The following DNAH1 variants were observed in gnomAD, a reference collection of about 807,000 sequenced individuals.
The protein encoded by DNAH1 is axonemal beta dynein heavy chain 1.
DNAH1 carries 327 observed loss-of-function variants against 484.3 expected under a neutral mutation model. That is an observed-to-expected ratio of 0.68 (90% CI 0.62 to 0.74). DNAH1 has a LOEUF of 0.74. Ranked by LOEUF, DNAH1 falls within the 30% of genes least tolerant of loss-of-function variation. DNAH1 has a pLI of 0.00. For synonymous variants in DNAH1, 2,192 were observed against 2,191.9 expected, an observed-to-expected ratio of 1.00 and a Z score of 0.00; for missense variants, 5,052 against 5,546.8, an observed-to-expected ratio of 0.91 and a Z score of 2.83.
intron 48 of DNAH1, 54 bp downstream of exon 48, chr3:52,380,189 T>C (rs1703783327): frequency 6.8e-6 from 10 of 1,479,948 alleles, no homozygotes; most frequent in Non-Finnish European, 9.2e-6. Context: ...TCAATCTGCC[T>C]CCCTGGGGCC....
intron 8 of DNAH1, among the ~76,000 whole-genome samples, chr3:52,335,572 G>C (rs1428354659): frequency 1.3e-5 from 2 of 152,090 alleles, no homozygotes; most frequent in African/African-American, 2.4e-5. Context: ...GCCTCCCAAA[G>C]TGCTGGGATT....
rs778190768 is a variant in DNAH1, at chr3:52,388,211, C to T, written c.9048C>T (p.Ile3016=). 6.2e-6 allele frequency: 10 copies of T among 1,609,576 alleles called. No homozygotes were observed. The highest frequency in any genetic ancestry group is 2.2e-5 in the East Asian group (1 of 44,724). Residue 3016 remains isoleucine (I), a synonymous_variant, in exon 57 of 78, where the codon ATC becomes ATT. Coordinates refer to ENST00000420323, the MANE Select transcript of DNAH1 (RefSeq NM_015512.5). The part of the protein sequence containing the change: ...DVVIKAIQPY[I]DNEEFQPATI... ...TGATCAAAGCCATCCAGCCGTACAT[C>T]GATAATGAAGAGTTCCAGCCAGCCA...
rs868084087 is a variant in DNAH1, at chr3:52,392,628, T to A, written c.10217T>A (p.Val3406Glu). The change falls in exon 64 of 78, where the codon GTA (valine) becomes GAA (glutamate). Residue 3406 changes from valine to glutamate, a missense_variant. This residue lies in a region of DNAH1 where 2,929 missense variants were observed against 3,409.4 expected (regional missense o/e 0.86). Transcript: ENST00000420323. ...YRLSSSEGNP[V>E]DDMELIKVLE... ...CTCAGCTCCTCCGAGGGCAACCCTG[T>A]AGATGACATGGAACTCATCAAGGTG... 1 of 1,613,118 alleles carries A rather than the reference T, an allele frequency of 6.2e-7. No individual in the cohort carries two copies. The highest frequency in any genetic ancestry group is 1.7e-4 in the Middle Eastern group (1 of 6,060).
chr3:52,332,324 A>G lies in DNAH1; in HGVS notation c.1216A>G (p.Ile406Val). 4 of 1,614,086 alleles carry G rather than the reference A, an allele frequency of 2.5e-6. No individual in the cohort carries two copies. Among genetic ancestry groups the G allele is most frequent in the East Asian group, 2.2e-5 (1 of 44,886 alleles). ...DCMPSDGQHV[I>V]SEQSLSKIKQ... ...CATGCCCTCTGACGGCCAGCATGTC[A>G]TCAGTGAACAGAGCCTGAGCAAGAT... is the stretch of plus-strand genomic sequence containing the variant. The change falls in exon 8 of 78, where the codon ATC becomes GTC. Residue 406 changes from isoleucine to valine, a missense_variant. Transcript: ENST00000420323.
chr3:52,335,324 G>A (rs868786015), intron 8 of DNAH1, among the ~76,000 whole-genome samples: 2 of 140,984 alleles, frequency 1.4e-5, no homozygotes, highest in African/African-American at 5.4e-5. Flanking sequence ...CAAAGTGCTG[G>A]GATTACAGGC....
intron 2 of DNAH1, 94 bp downstream of exon 2, chr3:52,322,869 C>G: frequency 8.9e-7 from 1 of 1,119,064 alleles, no homozygotes; most frequent in South Asian, 1.3e-5. Flanking sequence ...GTCAGTCCAT[C>G]TGTTCATTTA....
intron 65 of DNAH1, 104 bp downstream of exon 65, chr3:52,393,129 C>T (rs1359096404): frequency 2.7e-6 from 4 of 1,463,356 alleles, no homozygotes; most frequent in South Asian, 1.2e-5. Flanking sequence ...CACTGGCGTA[C>T]ACTCTCCTCT....
chr3:52,351,984 T>C lies in DNAH1; in HGVS notation c.2752T>C (p.Ser918Pro). ...CAGATGGATTGCCAGCAACTGGCCT[T>C]CTAAGATCCTTGGGCAGATAGAGCT... The part of the protein sequence containing the change: ...NDKWIASNWP[S>P]KILGQIELVQ... Residue 918 changes from serine to proline, a missense_variant, in exon 17 of 78, where the codon TCT becomes CCT. Ser to Pro is a moderately conservative substitution (Grantham distance 74). Coordinates refer to ENST00000420323, the MANE Select transcript of DNAH1 (RefSeq NM_015512.5). The C allele has an allele frequency of 3.1e-6, 5 of 1,602,544 alleles. No individual in the cohort carries two copies. The highest frequency in any genetic ancestry group is 4.3e-6 in the Non-Finnish European group (5 of 1,174,846).
intron 37 of DNAH1, among the ~76,000 whole-genome samples, chr3:52,369,371 G>A (rs1703220655): frequency 6.6e-6 from 1 of 152,166 alleles, no homozygotes; most frequent in Non-Finnish European, 1.5e-5. Context: ...GGTGTGTGAG[G>A]AGCAGTTGTC....
At position 52,350,118 on chromosome 3, in the gene DNAH1, G is replaced by A; in HGVS notation, c.2646+10G>A. 1 of 1,608,474 alleles carries A rather than the reference G, an allele frequency of 6.2e-7. No individual in the cohort carries two copies. Among genetic ancestry groups the A allele is most frequent in the South Asian group, 1.1e-5 (1 of 89,928 alleles). ...GCTGGTGGGCCTGGAGGTGAGGCAG[G>A]CACACGGGCACTGGGGCCAGGGAGG... On this transcript the variant is annotated intron_variant, in intron 15 of 77. Transcript: ENST00000420323.
chr3:52,368,768 C>T lies in DNAH1; in HGVS notation c.5793C>T (p.Ile1931=). 1 of 1,613,906 alleles carries T rather than the reference C, an allele frequency of 6.2e-7. No individual in the cohort carries two copies. Among genetic ancestry groups the T allele is most frequent in the African/African-American group, 1.3e-5 (1 of 75,050 alleles). ...EWTDGIFSSF[I]RAGAITSDTN... ...CAGACGGGATATTCTCCTCGTTCATCCGGGCGGGGGCCATCACCTCCGACA... is the reference window on the plus strand; with the variant it reads ...CAGACGGGATATTCTCCTCGTTCATTCGGGCGGGGGCCATCACCTCCGACA... Residue 1931 remains isoleucine, a synonymous_variant, in exon 37 of 78, where the codon ATC becomes ATT. Transcript: ENST00000420323. The surrounding 1 kb of genome is among the most constrained non-coding windows in gnomAD (Gnocchi z 4.4).
intron 56 of DNAH1, among the ~76,000 whole-genome samples, chr3:52,387,302 T>C (rs1433567828): frequency 6.6e-6 from 1 of 152,138 alleles, no homozygotes; most frequent in Non-Finnish European, 1.5e-5. Context: ...CCAGCTTCCC[T>C]GTCTGTCTCT....
intron 17 of DNAH1, 67 bp downstream of exon 17, chr3:52,352,170 G>T: frequency 6.5e-7 from 1 of 1,528,774 alleles, no homozygotes; most frequent in Non-Finnish European, 8.8e-7. Flanking sequence ...GTTCTCCAGG[G>T]CCTGGCCTCA....
rs1334897226 is a variant in DNAH1 at position 52,359,288 on chromosome 3, A to G, written c.4309A>G (p.Thr1437Ala). Residue 1437 changes from threonine to alanine, a missense_variant, in exon 26 of 78, where the codon ACC (threonine) becomes GCC (alanine). Physicochemically the swap from Thr to Ala is moderately conservative, Grantham distance 58. Coordinates refer to ENST00000420323, the MANE Select transcript of DNAH1 (RefSeq NM_015512.5). Reference sequence around the variant, plus strand: ...GGTTCTGAACTGGCCTGGCCAGGTGACCATCGCTGGGTGCCAGACCTACTG... The same window carrying G: ...GGTTCTGAACTGGCCTGGCCAGGTGGCCATCGCTGGGTGCCAGACCTACTG... ...QWVLNWPGQV[T>A]IAGCQTYWTM... 8 of 1,568,642 alleles carry G rather than the reference A, an allele frequency of 5.1e-6. No homozygotes were observed. In the Admixed American group the frequency reaches 7.4e-5, roughly 14 times the overall value.
At chr3:52,331,382 C>T (rs1038971632) in intron 7 of DNAH1, 73 bp downstream of exon 7, 13 of 1,497,500 alleles carry the variant, frequency 8.7e-6, no homozygotes, top group African/African-American at 4.2e-5. Context: ...AGGCCAACTC[C>T]GCCCAGGGCA....
chr3:52,392,928 T>G lies in DNAH1; in HGVS notation c.10377T>G (p.Cys3459Trp). 6.2e-7 allele frequency: 1 copy of G among 1,612,400 alleles called. No homozygotes were observed. The highest frequency in any genetic ancestry group is 8.5e-7 in the Non-Finnish European group (1 of 1,179,302). ...TCCGCACCCAGATCCTCTTCTTCTGTGTGTCCGACCTGGCCAACGTGGACC... is the reference window on the plus strand; with the variant it reads ...TCCGCACCCAGATCCTCTTCTTCTGGGTGTCCGACCTGGCCAACGTGGACC... ...VAIRTQILFF[C>W]VSDLANVDPM... The change falls in exon 65 of 78, where the codon TGT becomes TGG. Residue 3459 changes from cysteine (C) to tryptophan (W), a missense_variant. Coordinates refer to ENST00000420323, the MANE Select transcript of DNAH1 (RefSeq NM_015512.5).
In DNAH1 at chr3:52,380,407, G is replaced by A. The variant is rs549132449; in HGVS notation, c.7608+272G>A. On this transcript the variant is annotated intron_variant, in intron 48 of 77. Coordinates refer to ENST00000420323, the MANE Select transcript of DNAH1 (RefSeq NM_015512.5). ...CAATCATCCCTCCACAAGGGGCCGG[G>A]GGCGGGGCCTGGGGCCATGGGTCTC... is the stretch of plus-strand genomic sequence containing the variant. 3.9e-3 allele frequency among the ~76,000 whole-genome samples: 599 copies of A among 152,190 alleles called. 2 individuals carry two copies. Among genetic ancestry groups the A allele is most frequent in the Admixed American group, 6.7e-3 (102 of 15,240 alleles).
rs199602894 is a variant in DNAH1, at chr3:52,386,735, A to C, written c.8885A>C (p.Lys2962Thr). ...IEAVCIMKGI[K>T]PKKVPGEKPG... ...GCTGTGTGCATTATGAAAGGCATCA[A>C]GCCCAAGAAGGTGCCTGGAGAAAAG... The change falls in exon 56 of 78, where the codon AAG (lysine) becomes ACG (threonine). Residue 2962 changes from lysine to threonine, a missense_variant. Transcript: ENST00000420323. 3.9e-4 allele frequency: 622 copies of C among 1,589,858 alleles called. 1 individual carries two copies. In the Middle Eastern group the frequency reaches 6.6e-3, roughly 17 times the overall value.
At chr3:52,366,387 C>A in intron 34 of DNAH1, 70 bp from the exon 35 acceptor site, 1 of 1,314,908 alleles carries the variant, frequency 7.6e-7, no homozygotes, top group Non-Finnish European at 1.1e-6. Context: ...CCCAAGGTCA[C>A]ACAAGTTAGT....
Sources: gnomAD v4.1 joint callset for allele counts (sites outside exome capture counted in the v4.1 genomes callset) on GRCh38, gnomAD v4.1.1 for gene constraint, gnomAD v4.1.1 regional missense constraint, Gnocchi (gnomAD v3.1) non-coding constraint, MANE v1.5 for transcripts, NCBI Gene and HGNC (gene_info 2026-07-23, HGNC 2026-07-21) for gene names.